Variants in TBC1D22A observed in about 807,000 individuals in gnomAD.
TBC1D22A encodes the protein TBC1 domain family member 22A.
In TBC1D22A, 38 loss-of-function variants were observed where a neutral mutation model predicts 60.2. The ratio of observed to expected loss-of-function variants is 0.63; its 90% CI spans 0.49 to 0.83. The LOEUF is 0.83. Ranked by LOEUF, TBC1D22A falls within the 40% of genes least tolerant of loss-of-function variation. The pLI, the probability that TBC1D22A is intolerant of heterozygous loss-of-function variation, is 0.00. For synonymous variants in TBC1D22A, 302 were observed against 281.7 expected, an observed-to-expected ratio of 1.07 and a Z score of -0.72; for missense variants, 628 against 701.0, an observed-to-expected ratio of 0.90 and a Z score of 1.18.
intron 5 of TBC1D22A, among the ~76,000 whole-genome samples, chr22:46,887,187 C>T (rs1194360203): frequency 6.6e-6 from 1 of 152,202 alleles, no homozygotes; most frequent in South Asian, 2.1e-4. Flanking sequence ...AACATCTGTA[C>T]TCATACTTCA....
At chr22:46,895,344 G>T (rs1320265933) in intron 7 of TBC1D22A, among the ~76,000 whole-genome samples, 1 of 152,116 alleles carries the variant, frequency 6.6e-6, no homozygotes, top group Non-Finnish European at 1.5e-5. Context: ...ATAACTCTTT[G>T]TGTAGTCTGG....
intron 11 of TBC1D22A, among the ~76,000 whole-genome samples, chr22:47,099,293 G>C (rs2065313957): frequency 1.3e-5 from 2 of 152,126 alleles, no homozygotes; most frequent in Non-Finnish European, 2.9e-5. Flanking sequence ...GAGGGAGCTT[G>C]GAGGGTTTTC....
At chr22:46,765,192 T>C (rs988663892) in intron 1 of TBC1D22A, among the ~76,000 whole-genome samples, 5 of 152,236 alleles carry the variant, frequency 3.3e-5, no homozygotes, top group Non-Finnish European at 5.9e-5. Context: ...CAGGAAGGCC[T>C]GTGAAGCCTC....
intron 9 of TBC1D22A, among the ~76,000 whole-genome samples, chr22:46,989,059 C>A (rs1299311391): frequency 6.6e-6 from 1 of 152,238 alleles, no homozygotes; most frequent in Non-Finnish European, 1.5e-5. Context: ...ATGGAGACGG[C>A]TTCTTTCCTT....
intron 11 of TBC1D22A, among the ~76,000 whole-genome samples, chr22:47,096,325 G>A (rs529173017): frequency 3.9e-5 from 6 of 152,230 alleles, no homozygotes; most frequent in Non-Finnish European, 5.9e-5. Context: ...GATCCACTGC[G>A]CTGAATGCCC....
chr22:46,781,963 C>T (rs548624781), intron 1 of TBC1D22A, among the ~76,000 whole-genome samples: 13 of 152,362 alleles, frequency 8.5e-5, no homozygotes, highest in African/African-American at 3.1e-4. Context: ...TGAAATCTGT[C>T]ATTTTCATGT....
intron 8 of TBC1D22A, among the ~76,000 whole-genome samples, chr22:46,947,405 C>T (rs139674478): frequency 1.4e-4 from 21 of 152,270 alleles, no homozygotes; most frequent in African/African-American, 4.6e-4. Context: ...CTTAGCGCTG[C>T]GCATTAAAGG....
chr22:46,791,902 A>C (rs1279015074), intron 1 of TBC1D22A, among the ~76,000 whole-genome samples: 2 of 152,134 alleles, frequency 1.3e-5, no homozygotes, highest in Non-Finnish European at 2.9e-5. Flanking sequence ...CTAGGATTAC[A>C]GGCATGTACC....
At chr22:47,148,500 A>G (rs992246684) in intron 12 of TBC1D22A, among the ~76,000 whole-genome samples, 16 of 151,924 alleles carry the variant, frequency 1.1e-4, no homozygotes, top group Non-Finnish European at 2.1e-4. Context: ...GAGACCCTGG[A>G]GTTGGGTGCG....
chr22:47,137,424 G>C (rs1219232224), intron 12 of TBC1D22A, among the ~76,000 whole-genome samples: 1 of 152,164 alleles, frequency 6.6e-6, no homozygotes, highest in Admixed American at 6.5e-5. Context: ...TGCCCAAAGA[G>C]GGGACATGTA....
At chr22:47,092,744 G>A (rs1228350512) in intron 11 of TBC1D22A, among the ~76,000 whole-genome samples, 1 of 152,238 alleles carries the variant, frequency 6.6e-6, no homozygotes, top group African/African-American at 2.4e-5. Context: ...AGTCTACAGA[G>A]AGAGTTGAGG....
rs73889419 is a variant in TBC1D22A at position 47,138,310 on chromosome 22, T to C, written c.1425+26707T>C. Among the ~76,000 whole-genome samples, 499 of 152,286 alleles carry C rather than the reference T, an allele frequency of 3.3e-3. 7 individuals carry two copies. The highest frequency in any genetic ancestry group is 0.011 in the African/African-American group (471 of 41,572). On this transcript the variant is annotated intron_variant, in intron 12 of 12. Coordinates refer to ENST00000337137, the MANE Select transcript of TBC1D22A (RefSeq NM_014346.5). ...ACCCCACCCCAAGGCACTTTCGGCC[T>C]CTGGGGGACAGGGAGGACCGTGGAC...
Position 46,892,006 on chromosome 22 carries a change from G to A in TBC1D22A, c.837+612G>A, listed in dbSNP as rs747430272. 2.6e-5 allele frequency among the ~76,000 whole-genome samples: 4 copies of A among 152,268 alleles called. No homozygotes were observed. The South Asian group carries it at 6.2e-4, about 24-fold the overall frequency. On this transcript the variant is annotated intron_variant, in intron 6 of 12. Coordinates refer to ENST00000337137, the MANE Select transcript of TBC1D22A (RefSeq NM_014346.5). Reference sequence around the variant, plus strand: ...CAGTTGACAGATGATGTACATAATGGGAAAATACTTAAAATTGATTTATGA... The same window carrying A: ...CAGTTGACAGATGATGTACATAATGAGAAAATACTTAAAATTGATTTATGA...
intron 11 of TBC1D22A, among the ~76,000 whole-genome samples, chr22:47,075,435 C>G (rs935718075): frequency 6.6e-6 from 1 of 152,112 alleles, no homozygotes. Flanking sequence ...GTAATCCCAG[C>G]ATCTTGGGAG....
At chr22:46,988,755 A>G (rs1404661866) in intron 9 of TBC1D22A, among the ~76,000 whole-genome samples, 1 of 152,246 alleles carries the variant, frequency 6.6e-6, no homozygotes, top group African/African-American at 2.4e-5. Context: ...TAAGGGTCCT[A>G]GGATTTTCAG....
chr22:47,115,148 G>A (rs981591828), intron 12 of TBC1D22A, among the ~76,000 whole-genome samples: 3 of 151,826 alleles, frequency 2.0e-5, no homozygotes, highest in Non-Finnish European at 4.4e-5. Context: ...GTGAACGTTG[G>A]CCCTGTCCTG....
chr22:46,885,548 C>T (rs1441465076), intron 5 of TBC1D22A, among the ~76,000 whole-genome samples: 1 of 152,202 alleles, frequency 6.6e-6, no homozygotes, highest in Non-Finnish European at 1.5e-5. Context: ...ATTGTTATTG[C>T]CAAGAGACGG....
At chr22:47,157,232 C>T (rs932114296) in intron 12 of TBC1D22A, among the ~76,000 whole-genome samples, 6 of 152,144 alleles carry the variant, frequency 3.9e-5, no homozygotes, top group Non-Finnish European at 7.3e-5. Context: ...TGCTGTAGTC[C>T]GCGGCTCCTC....
At chr22:46,992,712 C>T (rs1365549673) in intron 9 of TBC1D22A, among the ~76,000 whole-genome samples, 1 of 152,178 alleles carries the variant, frequency 6.6e-6, no homozygotes, top group Admixed American at 6.5e-5. Context: ...TGGACTGATG[C>T]GTTAATGGCT....
Sources: allele counts gnomAD v4.1 joint callset (sites outside exome capture counted in the v4.1 genomes callset), GRCh38; gene constraint gnomAD v4.1.1; transcripts MANE v1.5; gene names NCBI Gene and HGNC (gene_info 2026-07-23, HGNC 2026-07-21).